The following TLN2 variants were observed in gnomAD, a reference collection of about 807,000 sequenced individuals.
TLN2 encodes talin 2.
A neutral mutation model predicts 294.7 loss-of-function variants in TLN2; 118 were observed. That is an observed-to-expected ratio of 0.40 (90% CI 0.34 to 0.47). The LOEUF (loss-of-function observed/expected upper bound fraction) is 0.47, where lower values mean the gene tolerates loss of function less well. Among genes scored for constraint, TLN2 ranks in the 20% least tolerant of loss-of-function variants. The probability of loss-of-function intolerance (pLI) is 0.84; values close to 1 mark genes in which losing one functional copy is unlikely to be tolerated. For missense variants in TLN2, 3,083 were observed against 3,282.2 expected, an observed-to-expected ratio of 0.94 and a Z score of 1.48; for synonymous variants, 1,431 against 1,304.5, an observed-to-expected ratio of 1.10 and a Z score of -2.09.
At chr15:62,492,437 T>G (rs1449472021) in intron 1 of TLN2, among the ~76,000 whole-genome samples, 1 of 150,548 alleles carries the variant, frequency 6.6e-6, no homozygotes, top group Admixed American at 6.7e-5. Context: ...GGAGTGCCTG[T>G]AATCTCAGCT....
intron 32 of TLN2, among the ~76,000 whole-genome samples, chr15:62,741,767 G>GTGTGTGTGTGTGTGTGTGTGTGTGTA (rs1353440110): frequency 2.0e-5 from 3 of 151,560 alleles, no homozygotes; most frequent in African/African-American, 7.3e-5. Context: ...GTGTGTGTGT[G>GTGTGTGTGTGTGTGTGTGTGTGTGTA]TCTTTATGTC....
At chr15:62,576,263 CA>C (rs35869276) in intron 1 of TLN2, among the ~76,000 whole-genome samples, 30 of 150,436 alleles carry the variant, frequency 2.0e-4, no homozygotes, top group South Asian at 1.1e-3. Context: ...GACCCCGTCT[CA>C]AAAAAAAAAA....
At chr15:62,677,871 C>T (rs2056407383) in intron 11 of TLN2, among the ~76,000 whole-genome samples, 1 of 134,202 alleles carries the variant, frequency 7.5e-6, no homozygotes, top group African/African-American at 2.8e-5. Flanking sequence ...TCTCGGCTCA[C>T]CACAACCTCC....
At chr15:62,400,812 G>GTT (rs11369905) in intron 1 of TLN2, among the ~76,000 whole-genome samples, 1,214 of 119,416 alleles carry the variant, frequency 0.01, 22 homozygotes, top group African/African-American at 0.027. Context: ...TATGTTTCCG[G>GTT]TTTTTTTTTT....
chr15:62,797,705 G>A (rs1215012865), intron 48 of TLN2, among the ~76,000 whole-genome samples: 5 of 152,172 alleles, frequency 3.3e-5, no homozygotes, highest in Non-Finnish European at 7.4e-5. Context: ...AGTGAAAGGC[G>A]GCTCCTTGTG....
intron 11 of TLN2, among the ~76,000 whole-genome samples, chr15:62,681,361 A>C (rs932126631): frequency 6.6e-6 from 1 of 152,232 alleles, no homozygotes; most frequent in African/African-American, 2.4e-5. Flanking sequence ...ACTCTAAATA[A>C]GTAAATGAAA....
chr15:62,439,710 ACTCT>A (rs904224704), intron 1 of TLN2, among the ~76,000 whole-genome samples: 2 of 152,040 alleles, frequency 1.3e-5, no homozygotes, highest in East Asian at 3.9e-4. Context: ...CCAGTCAGTG[ACTCT>A]CTGATTGTGA....
At chr15:62,535,563 T>A (rs560210085) in intron 1 of TLN2, among the ~76,000 whole-genome samples, 1 of 151,746 alleles carries the variant, frequency 6.6e-6, no homozygotes, top group Admixed American at 6.6e-5. Flanking sequence ...TTGATTTTTT[T>A]TTTTTTTTTG....
chr15:62,797,275 C>CAGG lies in TLN2; in HGVS notation c.6110_6112dup (p.Gly2037dup), dbSNP rs1225230326. 6.2e-7 allele frequency: 1 copy of CAGG among 1,613,952 alleles called. No homozygotes were observed. The highest frequency in any genetic ancestry group is 2.2e-5 in the East Asian group (1 of 44,860). On this transcript the variant is annotated inframe_insertion, in exon 48 of 59. Coordinates refer to ENST00000636159, the MANE Select transcript of TLN2 (RefSeq NM_015059.3). ...GTAGAAGACACGAAACTACTTGTGTCAGGAGCTGCGTCCACTCCTGACAAG... is the reference window on the plus strand; with the variant it reads ...GTAGAAGACACGAAACTACTTGTGTCAGGAGGAGCTGCGTCCACTCCTGACAAG...
At chr15:62,573,171 T>A (rs2044051954) in intron 1 of TLN2, among the ~76,000 whole-genome samples, 1 of 152,138 alleles carries the variant, frequency 6.6e-6, no homozygotes, top group Non-Finnish European at 1.5e-5. Context: ...CCCCTTGACA[T>A]GCTCTATCCA....
intron 1 of TLN2, among the ~76,000 whole-genome samples, chr15:62,525,954 A>G (rs1409205068): frequency 6.6e-6 from 1 of 152,162 alleles, no homozygotes. Context: ...GGGAAGCTGG[A>G]AGAAGGGTAG....
chr15:62,820,852 G>T (rs989094388), intron 54 of TLN2, among the ~76,000 whole-genome samples: 3 of 152,172 alleles, frequency 2.0e-5, no homozygotes, highest in African/African-American at 4.8e-5. Context: ...AAGAATTGGG[G>T]CATTTGCAGT....
intron 22 of TLN2, 56 bp downstream of exon 22, chr15:62,712,133 G>C (rs2059465649): frequency 6.3e-7 from 1 of 1,579,042 alleles, no homozygotes; most frequent in African/African-American, 1.3e-5. Flanking sequence ...GTTAGGATTT[G>C]GAAGGTACTT....
intron 1 of TLN2, among the ~76,000 whole-genome samples, chr15:62,418,182 T>A (rs1326050167): frequency 3.3e-5 from 5 of 152,190 alleles, no homozygotes; most frequent in Admixed American, 6.5e-5. Flanking sequence ...GTATGCTGGG[T>A]GCAGTGGTTG....
At chr15:62,492,493 T>C (rs1242495483) in intron 1 of TLN2, among the ~76,000 whole-genome samples, 1 of 150,516 alleles carries the variant, frequency 6.6e-6, no homozygotes, top group African/African-American at 2.5e-5. Flanking sequence ...GAGGCAGAAG[T>C]TGCAGTGAGC....
chr15:62,681,754 G>A (rs1193420028), intron 11 of TLN2, among the ~76,000 whole-genome samples: 2 of 152,010 alleles, frequency 1.3e-5, no homozygotes, highest in South Asian at 2.1e-4. Context: ...AAACAAATGT[G>A]GTGACTGGAA....
At chr15:62,599,726 C>T (rs1316541749) in intron 2 of TLN2, among the ~76,000 whole-genome samples, 1 of 152,152 alleles carries the variant, frequency 6.6e-6, no homozygotes, top group South Asian at 2.1e-4. Flanking sequence ...ACTTTTGGCT[C>T]TGGTCACCCA....
At chr15:62,765,153 A>C (rs1208386182) in intron 40 of TLN2, among the ~76,000 whole-genome samples, 3 of 151,812 alleles carry the variant, frequency 2.0e-5, no homozygotes, top group Non-Finnish European at 4.4e-5. Context: ...TATTTAATTT[A>C]ACAAACCATC....
At chr15:62,666,825 G>A (rs1376531207) in intron 9 of TLN2, among the ~76,000 whole-genome samples, 2 of 152,166 alleles carry the variant, frequency 1.3e-5, no homozygotes, top group Non-Finnish European at 2.9e-5. Context: ...TCTGTAATTT[G>A]AGCTTTCAGC....
Sources: gnomAD v4.1 joint callset for allele counts (sites outside exome capture counted in the v4.1 genomes callset) on GRCh38, gnomAD v4.1.1 for gene constraint, MANE v1.5 for transcripts, NCBI Gene and HGNC (gene_info 2026-07-23, HGNC 2026-07-21) for gene names.